CBFA2T2: variants seen among roughly 807,000 people sequenced by gnomAD.
CBFA2T2 encodes CBFA2/RUNX1 partner transcriptional co-repressor 2.
In CBFA2T2, 11 loss-of-function variants were observed where a neutral mutation model predicts 62.2. The observed-to-expected ratio is 0.18, with a 90% confidence interval of 0.11 to 0.29. The LOEUF is 0.29. Among genes scored for constraint, CBFA2T2 ranks in the 10% least tolerant of loss-of-function variants. The pLI, the probability that CBFA2T2 is intolerant of heterozygous loss-of-function variation, is 1.00. For synonymous variants in CBFA2T2, 295 were observed against 287.5 expected, an observed-to-expected ratio of 1.03 and a Z score of -0.27; for missense variants, 592 against 774.1, an observed-to-expected ratio of 0.76 and a Z score of 2.79.
At chr20:33,588,713 G>A (rs535469605) in intron 1 of CBFA2T2, among the ~76,000 whole-genome samples, 121 of 152,248 alleles carry the variant, frequency 7.9e-4, no homozygotes, top group Non-Finnish European at 1.4e-3. Flanking sequence ...TTGGGAAGCT[G>A]AGCCAGGTGT....
chr20:33,504,849 G>T (rs933722609), intron 1 of CBFA2T2, among the ~76,000 whole-genome samples: 2 of 152,070 alleles, frequency 1.3e-5, no homozygotes, highest in Admixed American at 1.3e-4. Context: ...TGTTAAGGAA[G>T]CACTATATCT....
At chr20:33,571,133 G>A (rs1042658185) in intron 1 of CBFA2T2, among the ~76,000 whole-genome samples, 4 of 152,194 alleles carry the variant, frequency 2.6e-5, no homozygotes, top group African/African-American at 9.7e-5. Context: ...CCATCCAAGG[G>A]AACCATCTCT....
chr20:33,545,406 A>G (rs1261293513), intron 1 of CBFA2T2, among the ~76,000 whole-genome samples: 3 of 147,208 alleles, frequency 2.0e-5, no homozygotes, highest in Non-Finnish European at 3.0e-5. Flanking sequence ...CCCAAATGAA[A>G]TGATTTTTAG....
chr20:33,616,128 G>A (rs993930059), intron 3 of CBFA2T2, among the ~76,000 whole-genome samples: 1 of 147,752 alleles, frequency 6.8e-6, no homozygotes, highest in South Asian at 2.1e-4. Context: ...TAGATAGATA[G>A]ATAGATGACA....
chr20:33,592,384 ATATATATAATTATGTAAAAAT>A (rs1231513889), intron 1 of CBFA2T2, among the ~76,000 whole-genome samples: 19 of 147,432 alleles, frequency 1.3e-4, no homozygotes, highest in Non-Finnish European at 2.4e-4. Context: ...TTATATATAT[ATATATATAATTATGTAAAAAT>A]TATATATATA....
chr20:33,578,363 G>T (rs1007916872), intron 1 of CBFA2T2, among the ~76,000 whole-genome samples: 1 of 152,168 alleles, frequency 6.6e-6, no homozygotes, highest in Non-Finnish European at 1.5e-5. Context: ...GAGAATTTGG[G>T]CCTAAAGTTT....
At chr20:33,636,846 C>A (rs978004639) in intron 9 of CBFA2T2, 138 bp downstream of exon 9, 1 of 610,738 alleles carries the variant, frequency 1.6e-6, no homozygotes, top group African/African-American at 1.9e-5. Context: ...AGGCTCCTGC[C>A]TCTCCTGCTC....
intron 1 of CBFA2T2, among the ~76,000 whole-genome samples, chr20:33,597,346 T>C (rs2014935710): frequency 6.6e-6 from 1 of 152,200 alleles, no homozygotes; most frequent in Non-Finnish European, 1.5e-5. Flanking sequence ...AATTCTAAGA[T>C]TCAATTTAGG....
At position 33,619,561 on chromosome 20, in the gene CBFA2T2, A is replaced by T; in HGVS notation, c.465A>T (p.Glu155Asp). Residue 155 changes from glutamate to aspartate, a missense_variant, in exon 4 of 11, where the codon GAA becomes GAT. Transcript: ENST00000342704. ...TIEEFHCKLQ[E>D]ATNFPLRPFV... Reference sequence around the variant, plus strand: ...AGGAATTCCACTGTAAGCTCCAAGAAGCCACAAACTTTCCCCTTCGTCCTT... The same window carrying T: ...AGGAATTCCACTGTAAGCTCCAAGATGCCACAAACTTTCCCCTTCGTCCTT... 6.2e-7 allele frequency: 1 copy of T among 1,610,304 alleles called. No individual in the cohort carries two copies. Among genetic ancestry groups the T allele is most frequent in the Non-Finnish European group, 8.5e-7 (1 of 1,178,410 alleles).
chr20:33,630,744 A>G (rs755294385), intron 8 of CBFA2T2, among the ~76,000 whole-genome samples: 3 of 152,186 alleles, frequency 2.0e-5, no homozygotes, highest in Non-Finnish European at 4.4e-5. Context: ...TGAGTTCCCA[A>G]ATGTTCACCA....
chr20:33,539,867 T>A (rs915089954), intron 1 of CBFA2T2, among the ~76,000 whole-genome samples: 6 of 151,896 alleles, frequency 4.0e-5, no homozygotes, highest in African/African-American at 1.5e-4. Context: ...TTTTTTTTAA[T>A]TTTTATTTAT....
chr20:33,543,949 C>A lies in CBFA2T2; in HGVS notation c.34+53648C>A, dbSNP rs2012470381. On this transcript the variant is annotated intron_variant, in intron 1 of 10. Coordinates refer to ENST00000342704, the MANE Select transcript of CBFA2T2 (RefSeq NM_001032999.3). Reference sequence around the variant, plus strand: ...TATCCAGAATCCAGAATCCAAGTAACATCTTACCTTTACCCCTTCCATTCT... The same window carrying A: ...TATCCAGAATCCAGAATCCAAGTAAAATCTTACCTTTACCCCTTCCATTCT... Among the ~76,000 whole-genome samples the A allele has an allele frequency of 2.6e-5, 4 of 152,238 alleles. No individual in the cohort carries two copies. In the South Asian group the frequency reaches 8.3e-4, roughly 32 times the overall value.
At chr20:33,623,685 G>A (rs1279104222) in intron 5 of CBFA2T2, 9 of 651,346 alleles carry the variant, frequency 1.4e-5, no homozygotes, top group Non-Finnish European at 2.2e-5. Context: ...ACCTCCCAAA[G>A]TGCTGGGATT....
intron 8 of CBFA2T2, among the ~76,000 whole-genome samples, chr20:33,630,138 G>A (rs1038161323): frequency 6.6e-6 from 1 of 152,132 alleles, no homozygotes; most frequent in Non-Finnish European, 1.5e-5. Context: ...TGGATAGACA[G>A]GATCTCACTG....
intron 1 of CBFA2T2, among the ~76,000 whole-genome samples, chr20:33,586,177 TTTTG>T (rs763009747): frequency 8.5e-5 from 13 of 152,206 alleles, no homozygotes; most frequent in Non-Finnish European, 1.8e-4. Context: ...TTGTTTGTTT[TTTTG>T]TTTGTTTTGT....
At chr20:33,630,001 T>G in intron 8 of CBFA2T2, 87 bp downstream of exon 8, 1 of 1,214,446 alleles carries the variant, frequency 8.2e-7, no homozygotes, top group South Asian at 1.7e-5. Flanking sequence ...TCTACTTGAC[T>G]TTAAAGAAAG....
chr20:33,592,340 G>A (rs1367206279), intron 1 of CBFA2T2, among the ~76,000 whole-genome samples: 2 of 145,326 alleles, frequency 1.4e-5, no homozygotes, highest in Non-Finnish European at 3.0e-5. Flanking sequence ...TCCAGCCTGG[G>A]TGACAAGAAC....
At chr20:33,608,031 A>G (rs1227210531) in intron 2 of CBFA2T2, among the ~76,000 whole-genome samples, 2 of 152,250 alleles carry the variant, frequency 1.3e-5, no homozygotes, top group Non-Finnish European at 1.5e-5. Context: ...GAACACTCAT[A>G]CAATGCTGGT....
chr20:33,546,417 CTGGATATACTTTTTTT>C (rs2012569995), intron 1 of CBFA2T2, among the ~76,000 whole-genome samples: 1 of 147,576 alleles, frequency 6.8e-6, no homozygotes, highest in African/African-American at 2.5e-5. Context: ...CATGGCCTAT[CTGGATATACTTTTTTT>C]TTTTTTTTTT....
Sources: allele counts gnomAD v4.1 joint callset (sites outside exome capture counted in the v4.1 genomes callset), GRCh38; gene constraint gnomAD v4.1.1; transcripts MANE v1.5; gene names NCBI Gene and HGNC (gene_info 2026-07-23, HGNC 2026-07-21).